Variants in TP53BP1 observed in about 807,000 individuals in gnomAD.
TP53BP1 encodes TP53-binding protein 1.
In TP53BP1, 61 loss-of-function variants were observed where a neutral mutation model predicts 200.8. The ratio of observed to expected loss-of-function variants is 0.30; its 90% CI spans 0.25 to 0.38. The LOEUF is 0.38. Ranked by LOEUF, TP53BP1 falls within the 10% of genes least tolerant of loss-of-function variation. TP53BP1 has a pLI of 1.00. For missense variants in TP53BP1, 2,144 were observed against 2,371.9 expected, an observed-to-expected ratio of 0.90 and a Z score of 2.00; for synonymous variants, 822 against 844.3, an observed-to-expected ratio of 0.97 and a Z score of 0.46.
intron 11 of TP53BP1, among the ~76,000 whole-genome samples, chr15:43,468,413 GC>G (rs2046640778): frequency 6.6e-6 from 1 of 152,008 alleles, no homozygotes; most frequent in African/African-American, 2.4e-5. Context: ...TGGGCATGGT[GC>G]CATGTGCCTG....
intron 23 of TP53BP1, 127 bp from the exon 24 acceptor site, chr15:43,413,461 G>C (rs2045181756): frequency 1.4e-6 from 1 of 723,948 alleles, no homozygotes; most frequent in Admixed American, 3.0e-5. Flanking sequence ...GAACTTATCT[G>C]AGCCAGAAAC....
intron 11 of TP53BP1, among the ~76,000 whole-genome samples, chr15:43,460,664 C>T (rs968528842): frequency 2.0e-5 from 3 of 152,056 alleles, no homozygotes; most frequent in Admixed American, 1.3e-4. Flanking sequence ...ATTGTTTATC[C>T]TATCAGATTG....
chr15:43,408,708 A>C, intron 26 of TP53BP1, 189 bp downstream of exon 26: 1 of 597,924 alleles, frequency 1.7e-6, no homozygotes, highest in Non-Finnish European at 2.9e-6. Flanking sequence ...ACATTTGCAA[A>C]AGGTTCCTAG....
intron 11 of TP53BP1, among the ~76,000 whole-genome samples, chr15:43,457,614 G>T (rs960349553): frequency 8.1e-6 from 1 of 122,760 alleles, no homozygotes; most frequent in Non-Finnish European, 1.6e-5. Flanking sequence ...GGAGGTTGCA[G>T]TAAGCCGAGA....
In TP53BP1 at chr15:43,427,870, T is replaced by A. The variant is rs1040412462; in HGVS notation, c.3828+146A>T. The A allele has an allele frequency of 5.1e-6, 3 of 592,828 alleles. No homozygotes were observed. In the South Asian group the frequency reaches 6.9e-5, roughly 14 times the overall value. The allele number at this position is 592,828 out of a possible 1,614,324, so 36.7% of individuals were successfully genotyped here. A position where few individuals can be genotyped will look rare whatever the true frequency, so the allele number is the denominator to read the frequency against. The stretch of plus-strand genomic sequence containing the variant: ...TGCAAGGGAGGCTGAGGCAGAAGGA[T>A]CACTTGAGCCTGGGAGGCAGAGGCT... On this transcript the variant is annotated intron_variant, in intron 18 of 27. Coordinates refer to ENST00000382044, the MANE Select transcript of TP53BP1 (RefSeq NM_001141980.3).
chr15:43,479,389 C>A lies in TP53BP1; in HGVS notation c.788+8G>T. 1 of 1,590,286 alleles carries A rather than the reference C, an allele frequency of 6.3e-7. No homozygotes were observed. Among genetic ancestry groups the A allele is most frequent in the South Asian group, 1.2e-5 (1 of 86,932 alleles). ...ACTCGTAAATCCTTTTTAGAAAGTT[C>A]GGCTTACCTTGCAGGTGGTGGATTT... On this transcript the variant is annotated splice_region_variant and intron_variant, in intron 7 of 27. Coordinates refer to ENST00000382044, the MANE Select transcript of TP53BP1 (RefSeq NM_001141980.3).
At position 43,404,475 on chromosome 15, in the gene TP53BP1, C is replaced by T; in HGVS notation, c.*2908G>A. 1.2e-6 allele frequency: 2 copies of T among 1,614,154 alleles called. No homozygotes were observed. The highest frequency in any genetic ancestry group is 1.7e-6 in the Non-Finnish European group (2 of 1,180,026). ...TCTCCAGTGTTCGGAATCATCAGAT[C>T]AACTCAGATTTGGCTCAACTACTGT... On this transcript the variant is annotated 3_prime_UTR_variant, in exon 28 of 28. Transcript: ENST00000382044.
chr15:43,437,573 C>T (rs1451719264), intron 16 of TP53BP1, among the ~76,000 whole-genome samples: 1 of 152,054 alleles, frequency 6.6e-6, no homozygotes, highest in Non-Finnish European at 1.5e-5. Context: ...CATGTTCACG[C>T]CACTTCACTC....
upstream of TP53BP1, among the ~76,000 whole-genome samples, chr15:43,496,922 C>T (rs900884272): frequency 1.3e-5 from 2 of 152,108 alleles, no homozygotes; most frequent in African/African-American, 4.8e-5. Context: ...TGCCCAGCCT[C>T]TCCCCTCTTT....
intron 1 of TP53BP1, among the ~76,000 whole-genome samples, chr15:43,510,108 C>CTA (rs2079263951): frequency 7.1e-6 from 1 of 140,306 alleles, no homozygotes; most frequent in Non-Finnish European, 1.5e-5. Context: ...TGGTTTTGAT[C>CTA]TTAGAACTGT....
At chr15:43,455,679 C>T (rs2046276320) in intron 12 of TP53BP1, among the ~76,000 whole-genome samples, 1 of 151,784 alleles carries the variant, frequency 6.6e-6, no homozygotes, top group Non-Finnish European at 1.5e-5. Context: ...TGAGACTGCA[C>T]CACTGTACTC....
At chr15:43,426,805 C>T (rs1237030422) in intron 18 of TP53BP1, among the ~76,000 whole-genome samples, 2 of 148,646 alleles carry the variant, frequency 1.3e-5, no homozygotes, top group African/African-American at 5.0e-5. Flanking sequence ...GTCAGGAGTT[C>T]AAGACCAGCC....
chr15:43,486,130 A>C (rs2079044191), intron 4 of TP53BP1, among the ~76,000 whole-genome samples: 1 of 152,068 alleles, frequency 6.6e-6, no homozygotes, highest in Non-Finnish European at 1.5e-5. Flanking sequence ...TAATCCCAGC[A>C]GTTTGGGAGG....
Position 43,420,686 on chromosome 15 carries a change from A to G in TP53BP1, c.4300T>C (p.Leu1434=). 7.4e-6 allele frequency: 12 copies of G among 1,614,190 alleles called. No individual in the cohort carries two copies. Among genetic ancestry groups the G allele is most frequent in the Non-Finnish European group, 1.0e-5 (12 of 1,180,024 alleles). The part of the protein sequence containing the change: ...PLGIEDISPN[L]SPDDKSFSRV... ...CTGAAGGATTTATCATCTGGTGACAAGTTAGGTGAAATGTCCTCTATGCCC... is the reference window on the plus strand; with the variant it reads ...CTGAAGGATTTATCATCTGGTGACAGGTTAGGTGAAATGTCCTCTATGCCC... The change falls in exon 21 of 28, where the codon TTG becomes CTG. Residue 1434 remains leucine, a synonymous_variant. Coordinates refer to ENST00000382044, the MANE Select transcript of TP53BP1 (RefSeq NM_001141980.3).
At chr15:43,416,566 A>T in intron 21 of TP53BP1, 150 bp from the exon 22 acceptor site, 1 of 646,146 alleles carries the variant, frequency 1.5e-6, no homozygotes, top group Non-Finnish European at 2.6e-6. Context: ...CCAGTTGTCA[A>T]TCCCAAACAG....
chr15:43,443,237 TA>T (rs1332481592), intron 14 of TP53BP1, among the ~76,000 whole-genome samples: 10 of 152,158 alleles, frequency 6.6e-5, no homozygotes, highest in Non-Finnish European at 1.5e-4. Flanking sequence ...AAAAACTTTT[TA>T]AAATTTATAT....
intron 12 of TP53BP1, among the ~76,000 whole-genome samples, chr15:43,448,897 C>T (rs1232117322): frequency 2.0e-5 from 3 of 152,112 alleles, no homozygotes; most frequent in Non-Finnish European, 2.9e-5. Context: ...GAGACGAAGG[C>T]GGATGGATCA....
intron 1 of TP53BP1, among the ~76,000 whole-genome samples, chr15:43,499,300 A>G (rs2079197839): frequency 6.6e-6 from 1 of 152,164 alleles, no homozygotes. Context: ...AGAATCAAAA[A>G]CTATCAGTTA....
chr15:43,508,101 C>G (rs1277655121), intron 1 of TP53BP1, among the ~76,000 whole-genome samples: 9 of 152,204 alleles, frequency 5.9e-5, no homozygotes, highest in Non-Finnish European at 4.4e-5. Flanking sequence ...GTGGCCCATG[C>G]CTGTAATTTC....
Sources: allele counts gnomAD v4.1 joint callset (sites outside exome capture counted in the v4.1 genomes callset), GRCh38; gene constraint gnomAD v4.1.1; transcripts MANE v1.5; gene names NCBI Gene and HGNC (gene_info 2026-07-23, HGNC 2026-07-21).